Variants in CARMIL1 observed in about 807,000 individuals in gnomAD.
CARMIL1 encodes F-actin-uncapping protein LRRC16A.
CARMIL1 carries 90 observed loss-of-function variants against 177.1 expected under a neutral mutation model. The ratio of observed to expected loss-of-function variants is 0.51; its 90% CI spans 0.43 to 0.61. The LOEUF (loss-of-function observed/expected upper bound fraction) is 0.61, where lower values mean the gene tolerates loss of function less well. Among genes scored for constraint, CARMIL1 ranks in the 20% least tolerant of loss-of-function variants. CARMIL1 has a pLI of 0.00. For synonymous variants in CARMIL1, 577 were observed against 606.2 expected (o/e 0.95, Z 0.71); for missense variants, 1,380 against 1,667.0 (o/e 0.83, Z 3.00).
intron 25 of CARMIL1, among the ~76,000 whole-genome samples, chr6:25,539,095 C>A (rs1199820818): frequency 6.6e-6 from 1 of 151,972 alleles, no homozygotes; most frequent in Non-Finnish European, 1.5e-5. Flanking sequence ...TATAATAAAC[C>A]AGTAATCATA....
intron 2 of CARMIL1, among the ~76,000 whole-genome samples, chr6:25,349,386 A>T (rs1420135240): frequency 2.0e-5 from 3 of 152,258 alleles, no homozygotes; most frequent in African/African-American, 7.2e-5. Context: ...CATCAGTGTT[A>T]TTAACCAAAT....
At chr6:25,490,039 G>T (rs1006439698) in intron 13 of CARMIL1, among the ~76,000 whole-genome samples, 2 of 151,516 alleles carry the variant, frequency 1.3e-5, no homozygotes, top group Non-Finnish European at 2.9e-5. Context: ...GCCAGGGTGG[G>T]TCCTGTTGTA....
Position 25,546,669 on chromosome 6 carries a change from C to A in CARMIL1, c.2329-4241C>A, listed in dbSNP as rs868021532. ...GATCCCGTCTCAACAACAACAACAA[C>A]AAAAAAAAAAAAAAAAAAAAAATTG... On this transcript the variant is annotated intron_variant, in intron 26 of 36. Transcript: ENST00000329474. Among the ~76,000 whole-genome samples the A allele has an allele frequency of 8.3e-4, 96 of 115,414 alleles. No homozygotes were observed. In the East Asian group the frequency reaches 8.5e-3, roughly 10 times the overall value. The allele number at this position is 115,414 out of a possible 152,430, so 75.7% of individuals were successfully genotyped here. A position where few individuals can be genotyped will look rare whatever the true frequency, so the allele number is the denominator to read the frequency against.
rs113203447 is a variant in CARMIL1, at chr6:25,440,825, A to G, written c.371+5221A>G. 3.7e-3 allele frequency among the ~76,000 whole-genome samples: 567 copies of G among 152,124 alleles called. 1 individual carries two copies. Among genetic ancestry groups the G allele is most frequent in the African/African-American group, 0.013 (519 of 41,478 alleles). ...CTTGTATGACTCATTTGTCCCATCA[A>G]ATTTATTTTCTGAGCCTGTCTTGGG... is the stretch of plus-strand genomic sequence containing the variant. On this transcript the variant is annotated intron_variant, in intron 5 of 36. Coordinates refer to ENST00000329474, the MANE Select transcript of CARMIL1 (RefSeq NM_017640.6).
intron 2 of CARMIL1, among the ~76,000 whole-genome samples, chr6:25,374,908 T>TA (rs1790830855): frequency 6.6e-6 from 1 of 152,208 alleles, no homozygotes; most frequent in Non-Finnish European, 1.5e-5. Flanking sequence ...TCTATAAGAA[T>TA]CCTTTCATGT....
At chr6:25,530,725 A>G (rs1444888561) in intron 24 of CARMIL1, among the ~76,000 whole-genome samples, 1 of 152,202 alleles carries the variant, frequency 6.6e-6, no homozygotes, top group Non-Finnish European at 1.5e-5. Flanking sequence ...CTCAAACAGA[A>G]AAGTACGCAA....
intron 17 of CARMIL1, among the ~76,000 whole-genome samples, chr6:25,500,950 G>C (rs926567631): frequency 1.5e-4 from 22 of 151,640 alleles, no homozygotes; most frequent in Non-Finnish European, 2.8e-4. Context: ...TTTTAGTAGA[G>C]ACGGGGTTTC....
chr6:25,529,016 C>G (rs1244601910), intron 24 of CARMIL1, 123 bp downstream of exon 24: 1 of 710,720 alleles, frequency 1.4e-6, no homozygotes, highest in Admixed American at 2.9e-5. Flanking sequence ...AAAATGACAA[C>G]AAATCTAAGT....
chr6:25,419,735 TTAG>T (rs1453447585), intron 2 of CARMIL1, among the ~76,000 whole-genome samples: 6 of 152,164 alleles, frequency 3.9e-5, no homozygotes, highest in Admixed American at 3.9e-4. Context: ...AAATGAGTAC[TTAG>T]TTGTTGTTTT....
intron 2 of CARMIL1, among the ~76,000 whole-genome samples, chr6:25,389,969 T>C (rs1405288150): frequency 6.6e-6 from 1 of 152,176 alleles, no homozygotes; most frequent in African/African-American, 2.4e-5. Flanking sequence ...AAGATTTTTC[T>C]GGTGGCAATT....
intron 2 of CARMIL1, among the ~76,000 whole-genome samples, chr6:25,402,031 G>C (rs897984437): frequency 5.2e-4 from 74 of 143,322 alleles, no homozygotes; most frequent in African/African-American, 1.9e-3. Flanking sequence ...CCCTTTTTAT[G>C]CCTTCCTAAT....
chr6:25,539,325 T>C (rs369106026), intron 25 of CARMIL1, among the ~76,000 whole-genome samples: 1 of 151,918 alleles, frequency 6.6e-6, no homozygotes, highest in Non-Finnish European at 1.5e-5. Flanking sequence ...CAGAATTGAA[T>C]TGAATAGATT....
At chr6:25,466,688 C>G (rs1800626934) in intron 9 of CARMIL1, among the ~76,000 whole-genome samples, 1 of 152,132 alleles carries the variant, frequency 6.6e-6, no homozygotes, top group African/African-American at 2.4e-5. Context: ...ATAGTGAATA[C>G]ATCAGACTTG....
At chr6:25,588,840 C>T (rs1275867388) in intron 31 of CARMIL1, among the ~76,000 whole-genome samples, 1 of 152,148 alleles carries the variant, frequency 6.6e-6, no homozygotes, top group Non-Finnish European at 1.5e-5. Flanking sequence ...ATATGAAGCC[C>T]AGGACAGATA....
At chr6:25,417,559 G>T (rs971120487) in intron 2 of CARMIL1, among the ~76,000 whole-genome samples, 1 of 152,212 alleles carries the variant, frequency 6.6e-6, no homozygotes, top group African/African-American at 2.4e-5. Flanking sequence ...GAGCTTTGTG[G>T]ATCTCTTCCA....
At chr6:25,575,679 G>C (rs1279224446) in intron 29 of CARMIL1, among the ~76,000 whole-genome samples, 1 of 152,000 alleles carries the variant, frequency 6.6e-6, no homozygotes, top group African/African-American at 2.4e-5. Context: ...TAATTTAATG[G>C]GTCATAGAAT....
chr6:25,291,129 AT>A lies in CARMIL1; in HGVS notation c.138+6227del, dbSNP rs530050150. ...ACCAGGCCTGAAATCCCTTTAACAT[AT>A]TTTTTTCCCCTTGGCTATTTATTTA... is the stretch of plus-strand genomic sequence containing the variant. On this transcript the variant is annotated intron_variant, in intron 2 of 36. Transcript: ENST00000329474. Among the ~76,000 whole-genome samples, 164 of 152,026 alleles carry A rather than the reference AT, an allele frequency of 1.1e-3. 1 individual carries two copies. The highest frequency in any genetic ancestry group is 9.6e-3 in the Admixed American group (146 of 15,274).
intron 24 of CARMIL1, 61 bp downstream of exon 24, chr6:25,528,954 G>A: frequency 7.8e-7 from 1 of 1,285,298 alleles, no homozygotes; most frequent in Non-Finnish European, 1.1e-6. Context: ...TGAGAGCAAA[G>A]GACTTCTAGC....
chr6:25,385,017 A>G (rs1005235088), intron 2 of CARMIL1, among the ~76,000 whole-genome samples: 2 of 152,170 alleles, frequency 1.3e-5, no homozygotes, highest in African/African-American at 4.8e-5. Context: ...TAGATGCTGG[A>G]GGGACAATGA....
Sources: allele counts gnomAD v4.1 joint callset (sites outside exome capture counted in the v4.1 genomes callset), GRCh38; gene constraint gnomAD v4.1.1; transcripts MANE v1.5; gene names NCBI Gene and HGNC (gene_info 2026-07-23, HGNC 2026-07-21).